CSF2RA: variants seen among roughly 807,000 people sequenced by gnomAD.
The protein encoded by CSF2RA is granulocyte-macrophage colony-stimulating factor receptor subunit alpha.
CSF2RA carries 42 observed loss-of-function variants against 51.6 expected under a neutral mutation model. The observed-to-expected ratio is 0.81, with a 90% CI of 0.64 to 1.05. CSF2RA has a LOEUF of 1.05. Ranked by LOEUF, CSF2RA falls within the 50% of genes least tolerant of loss-of-function variation. The probability of loss-of-function intolerance (pLI) is 0.00; values close to 1 mark genes in which losing one functional copy is unlikely to be tolerated. For missense variants in CSF2RA, 530 were observed against 501.1 expected, an observed-to-expected ratio of 1.06 and a Z score of -0.55; for synonymous variants, 222 against 193.0, an observed-to-expected ratio of 1.15 and a Z score of -1.24.
intron 10 of CSF2RA, among the ~76,000 whole-genome samples, chrX:1,301,874 G>C (rs2082987915): frequency 6.7e-6 from 1 of 148,454 alleles, no homozygotes; most frequent in African/African-American, 2.5e-5. Context: ...CCAAAGTGCT[G>C]GGATTACAGG....
At chrX:1,300,456 G>A (rs1233870216) in intron 9 of CSF2RA, 35 bp from the exon 10 acceptor site, 1 of 1,613,548 alleles carries the variant, frequency 6.2e-7, no homozygotes, top group Non-Finnish European at 8.5e-7. Context: ...CCACACAGAA[G>A]ACGCCTATCT....
chrX:1,324,481 C>T, the CSF2RA span, among the ~76,000 whole-genome samples: 1 of 108,576 alleles, frequency 9.2e-6, no homozygotes, highest in Non-Finnish European at 1.7e-5. Context: ...AGCAAGCAAG[C>T]AGGGAGGGAG....
At chrX:1,272,393 G>A (rs2088552689) in intron 1 of CSF2RA, among the ~76,000 whole-genome samples, 1 of 140,580 alleles carries the variant, frequency 7.1e-6, no homozygotes, top group East Asian at 2.1e-4. Flanking sequence ...AAAAAAAAAA[G>A]GTTATAGGGT....
At chrX:1,283,115 G>GTTCCTTCC (rs746476696) in intron 3 of CSF2RA, among the ~76,000 whole-genome samples, 4 of 91,128 alleles carry the variant, frequency 4.4e-5, no homozygotes, top group African/African-American at 1.5e-4. Context: ...TCGTTCCTTC[G>GTTCCTTCC]TTCCTTCGTT....
intron 4 of CSF2RA, chrX:1,287,318 T>G (rs1462937744): frequency 6.6e-6 from 1 of 150,710 alleles, no homozygotes; most frequent in African/African-American, 2.4e-5. Context: ...CACGCCTGGC[T>G]AATTTTTGTA....
intron 2 of CSF2RA, among the ~76,000 whole-genome samples, chrX:1,281,420 TCTCCTC>T (rs1438078436): frequency 2.5e-5 from 2 of 80,692 alleles, no homozygotes; most frequent in African/African-American, 1.0e-4. Flanking sequence ...TACTCCTCCT[TCTCCTC>T]CTCCTTCTTC....
In CSF2RA at chrX:1,296,049, G is replaced by A. The variant is rs1422158755; in HGVS notation, c.810+593G>A. Among the ~76,000 whole-genome samples the A allele has an allele frequency of 1.0e-4, 15 of 147,240 alleles. No homozygotes were observed. In the East Asian group the frequency reaches 1.0e-3, roughly 10 times the overall value. On this transcript the variant is annotated intron_variant, in intron 9 of 12. Coordinates refer to ENST00000381529, the MANE Select transcript of CSF2RA (RefSeq NM_172245.4). ...CAGTTCCCTATTCATGACCCCTAGCGTAACCATACAGTCCCCTACCCATGA... is the reference window on the plus strand; with the variant it reads ...CAGTTCCCTATTCATGACCCCTAGCATAACCATACAGTCCCCTACCCATGA...
intron 4 of CSF2RA, among the ~76,000 whole-genome samples, chrX:1,286,664 C>T (rs2090709336): frequency 6.6e-6 from 1 of 152,098 alleles, no homozygotes; most frequent in Admixed American, 6.6e-5. Flanking sequence ...AATGTCACAG[C>T]CATAATCTCA....
At chrX:1,292,175 T>G (rs1191170286) in intron 7 of CSF2RA, among the ~76,000 whole-genome samples, 2 of 151,474 alleles carry the variant, frequency 1.3e-5, no homozygotes, top group Non-Finnish European at 2.9e-5. Flanking sequence ...AGGAGGAGAC[T>G]GCACCACCTC....
At chrX:1,300,653 GT>G in intron 10 of CSF2RA, 27 bp downstream of exon 10, 1 of 1,613,902 alleles carries the variant, frequency 6.2e-7, no homozygotes, top group African/African-American at 1.3e-5. Context: ...GGTAAGGGAT[GT>G]TTGTGCCGTC....
At chrX:1,323,734 G>A in the CSF2RA span, among the ~76,000 whole-genome samples, 1 of 151,558 alleles carries the variant, frequency 6.6e-6, no homozygotes, top group South Asian at 2.1e-4. Context: ...AAAAATGCAG[G>A]CTGGGCGCAG....
chrX:1,318,616 G>C, the CSF2RA span, among the ~76,000 whole-genome samples: 1 of 151,830 alleles, frequency 6.6e-6, no homozygotes, highest in African/African-American at 2.4e-5. Flanking sequence ...GCAGATGTCT[G>C]GGAAGACAAT....
Position 1,294,352 on chromosome X carries a change from T to A in CSF2RA, c.671T>A (p.Val224Asp). 6.2e-7 allele frequency: 1 copy of A among 1,613,726 alleles called. No individual in the cohort carries two copies. Reference sequence around the variant, plus strand: ...GAACGATTCAACCCTCCCAGCAATGTCACCGTACGTTGCAACACGACGCAC... The same window carrying A: ...GAACGATTCAACCCTCCCAGCAATGACACCGTACGTTGCAACACGACGCAC... ...KIERFNPPSN[V>D]TVRCNTTHCL... The change falls in exon 8 of 13, where the codon GTC becomes GAC. Residue 224 changes from valine (V) to aspartate (D), a missense_variant. Coordinates refer to ENST00000381529, the MANE Select transcript of CSF2RA (RefSeq NM_172245.4).
chrX:1,281,195 C>A (rs2089998633), intron 2 of CSF2RA, among the ~76,000 whole-genome samples: 1 of 83,026 alleles, frequency 1.2e-5, no homozygotes, highest in African/African-American at 3.7e-5. Flanking sequence ...TCCTTCTCCT[C>A]CTTCTCCTAC....
Position 1,309,424 on chromosome X carries a change from C to T in CSF2RA, c.1148C>T (p.Pro383Leu), listed in dbSNP as rs765802143. Reference protein sequence around the residue: ...EDEIIWEEFTPEEGKGYREEV... With the variant: ...EDEIIWEEFTLEEGKGYREEV... ...CAGATCATCTGGGAGGAATTCACCC[C>T]AGAGGAAGGGAAAGGCTACCGCGAA... is the stretch of plus-strand genomic sequence containing the variant. The change falls in exon 13 of 13, where the codon CCA becomes CTA. Residue 383 changes from proline to leucine, a missense_variant. By Grantham distance (98) the Pro-to-Leu change is moderately conservative. Coordinates refer to ENST00000381529, the MANE Select transcript of CSF2RA (RefSeq NM_172245.4). The T allele has an allele frequency of 1.6e-5, 26 of 1,613,950 alleles. No homozygotes were observed. Among genetic ancestry groups the T allele is most frequent in the Middle Eastern group, 1.7e-4 (1 of 6,056 alleles).
At chrX:1,305,679 G>T in intron 12 of CSF2RA, 152 bp downstream of exon 12, 17 of 1,585,760 alleles carry the variant, frequency 1.1e-5, no homozygotes, top group Non-Finnish European at 1.5e-5. Context: ...TCCCACTCCT[G>T]GGCCTTCTCC....
At position 1,288,522 on chromosome X, in the gene CSF2RA, A is replaced by G. The variant is rs149059494; in HGVS notation, c.223A>G (p.Ser75Gly). The change falls in exon 5 of 13, where the codon AGT becomes GGT. Residue 75 changes from serine to glycine, a missense_variant. Coordinates refer to ENST00000381529, the MANE Select transcript of CSF2RA (RefSeq NM_172245.4). Reference protein sequence around the residue: ...KKNRVVEPRLSNNECSCTFRE... With the variant: ...KKNRVVEPRLGNNECSCTFRE... ...CTGTCTGGTTGCAATTCTTCAGCTC[A>G]GTAACAACGAATGTTCGTGCACATT... 2.0e-3 allele frequency: 3,224 copies of G among 1,613,948 alleles called. 67 individuals carry two copies. The African/African-American group carries it at 0.037, about 19-fold the overall frequency.
intron 7 of CSF2RA, among the ~76,000 whole-genome samples, chrX:1,293,688 G>T (rs112609863): frequency 6.6e-6 from 1 of 150,914 alleles, no homozygotes; most frequent in African/African-American, 2.4e-5. Flanking sequence ...AGTGTAGATG[G>T]GAGGAGACCC....
chrX:1,314,530 A>T (rs1255765470), downstream of CSF2RA, among the ~76,000 whole-genome samples: 25 of 120,556 alleles, frequency 2.1e-4, 1 homozygote, highest in African/African-American at 7.8e-4. Context: ...GCCCAATCCC[A>T]CTGCACCTGC....
Sources: allele counts gnomAD v4.1 joint callset (sites outside exome capture counted in the v4.1 genomes callset), GRCh38; gene constraint gnomAD v4.1.1; transcripts MANE v1.5; gene names NCBI Gene and HGNC (gene_info 2026-07-23, HGNC 2026-07-21).